Variants in PCDHA9 observed in about 807,000 individuals in gnomAD.
The protein encoded by PCDHA9 is protocadherin alpha-9.
Under a neutral mutation model 62.0 loss-of-function variants are expected in PCDHA9, and 62 were observed. The ratio of observed to expected loss-of-function variants is 1.00; its 90% confidence interval spans 0.81 to 1.23. The LOEUF is 1.23. PCDHA9 is among the 50% of genes most tolerant of loss of function. PCDHA9 has a pLI of 0.00. For missense variants in PCDHA9, 1,205 were observed against 1,249.8 expected (o/e 0.96, Z 0.54); for synonymous variants, 557 against 567.6 (o/e 0.98, Z 0.27).
At chr5:140,904,143 T>C (rs1370565805) in intron 1 of PCDHA9, among the ~76,000 whole-genome samples, 1 of 152,136 alleles carries the variant, frequency 6.6e-6, no homozygotes, top group Non-Finnish European at 1.5e-5. Context: ...CCGAGCAGTA[T>C]ACATTGCACC....
At chr5:140,927,399 TC>T (rs781939330) in intron 1 of PCDHA9, 1 of 1,614,076 alleles carries the variant, frequency 6.2e-7, no homozygotes. Context: ...GTCAGCACTT[TC>T]GCCTGGACAT....
chr5:140,948,496 A>C (rs1258443825), intron 1 of PCDHA9, among the ~76,000 whole-genome samples: 1 of 151,522 alleles, frequency 6.6e-6, no homozygotes, highest in African/African-American at 2.4e-5. Context: ...TCTTTCATAG[A>C]CTTTCTATTA....
At chr5:140,995,999 G>A (rs1489207802) in intron 3 of PCDHA9, among the ~76,000 whole-genome samples, 3 of 152,198 alleles carry the variant, frequency 2.0e-5, no homozygotes, top group Admixed American at 6.5e-5. Context: ...CAAAAATGTC[G>A]TCAGAACTAT....
intron 1 of PCDHA9, chr5:140,869,089 C>G: frequency 6.3e-7 from 1 of 1,588,998 alleles, no homozygotes; most frequent in Non-Finnish European, 8.6e-7. Context: ...ATTTTGGAAG[C>G]CAATTTCGTA....
At chr5:140,914,297 G>A (rs1371976850) in intron 1 of PCDHA9, among the ~76,000 whole-genome samples, 2 of 152,056 alleles carry the variant, frequency 1.3e-5, no homozygotes, top group African/African-American at 4.8e-5. Flanking sequence ...ATATCCTCTT[G>A]CTGAATTGAC....
In PCDHA9 at chr5:140,850,590, T is replaced by G. The variant is rs2150490414; in HGVS notation, c.2095T>G (p.Tyr699Asp). The G allele has an allele frequency of 2.7e-5, 43 of 1,598,318 alleles. 1 individual carries two copies. The highest frequency in any genetic ancestry group is 3.5e-5 in the Non-Finnish European group (41 of 1,167,854). ...GGTGACGCTGGTGGATGTCAACGTG[T>G]ACCTGATCATCGCCATCTGCGCGGT... ...PEVTLVDVNV[Y>D]LIIAICAVSS... The change falls in exon 1 of 4, where the codon TAC becomes GAC. Residue 699 changes from tyrosine to aspartate, a missense_variant. Tyr to Asp is a radical substitution (Grantham distance 160, BLOSUM62 -3). Around this residue, in one of 3 missense-constraint regions of PCDHA9, gnomAD observed 887 missense variants for 809.5 expected, o/e 1.10. Coordinates refer to ENST00000532602, the MANE Select transcript of PCDHA9 (RefSeq NM_031857.2).
intron 1 of PCDHA9, chr5:140,870,599 G>A: frequency 6.2e-7 from 1 of 1,613,396 alleles, no homozygotes; most frequent in South Asian, 1.1e-5. Flanking sequence ...CGGCGGTTGG[G>A]CGACCGCGCG....
chr5:140,859,256 G>C lies in PCDHA9; in HGVS notation c.2394+8367G>C, dbSNP rs182882850. On this transcript the variant is annotated intron_variant, in intron 1 of 3. Transcript: ENST00000532602. Reference sequence around the variant, plus strand: ...TCATGCTTATGTTTAATAATGAAGAGAATTTGAACACTTTTTACTTTTGAG... The same window carrying C: ...TCATGCTTATGTTTAATAATGAAGACAATTTGAACACTTTTTACTTTTGAG... 3 of 131,348 alleles carry C rather than the reference G, an allele frequency of 2.3e-5. 1 individual carries two copies. The highest frequency in any genetic ancestry group is 5.3e-5 in the Non-Finnish European group (3 of 56,988). The allele number at this position is 131,348 out of a possible 1,614,324, so 8.1% of individuals were successfully genotyped here.
At chr5:140,950,429 T>G (rs1339598073) in intron 1 of PCDHA9, among the ~76,000 whole-genome samples, 1 of 151,896 alleles carries the variant, frequency 6.6e-6, no homozygotes, top group Admixed American at 6.6e-5. Context: ...TTCTTCCACT[T>G]AAAAAAAATG....
chr5:140,993,508 ACG>A (rs2097567607), intron 3 of PCDHA9, among the ~76,000 whole-genome samples: 1 of 147,006 alleles, frequency 6.8e-6, no homozygotes, highest in Non-Finnish European at 1.5e-5. Context: ...ACACACACAC[ACG>A]GGGAGAGAGA....
intron 1 of PCDHA9, chr5:140,928,082 T>C: frequency 1.2e-6 from 2 of 1,614,212 alleles, no homozygotes. Context: ...TACTACAGCC[T>C]GCTGATTGAT....
At chr5:140,936,144 T>C (rs1386720304) in intron 1 of PCDHA9, among the ~76,000 whole-genome samples, 2 of 152,158 alleles carry the variant, frequency 1.3e-5, no homozygotes, top group African/African-American at 4.8e-5. Flanking sequence ...CTGCCCGCCT[T>C]GGCCTCCTAA....
intron 1 of PCDHA9, among the ~76,000 whole-genome samples, chr5:140,898,910 C>G (rs1313149642): frequency 6.6e-6 from 1 of 152,040 alleles, no homozygotes; most frequent in African/African-American, 2.4e-5. Context: ...CTTCACGTCC[C>G]TTGTAAGTTG....
intron 1 of PCDHA9, chr5:140,877,392 G>A: frequency 1.2e-6 from 2 of 1,613,970 alleles, no homozygotes; most frequent in Non-Finnish European, 1.7e-6. Flanking sequence ...TGGATGAGGC[G>A]GACGCTCCGC....
chr5:140,999,409 T>C (rs1554256782), intron 3 of PCDHA9, among the ~76,000 whole-genome samples: 1 of 152,186 alleles, frequency 6.6e-6, no homozygotes, highest in African/African-American at 2.4e-5. Flanking sequence ...TATGAAAGAA[T>C]GGGAGCTAAG....
At chr5:140,927,668 A>T in intron 1 of PCDHA9, 1 of 1,614,208 alleles carries the variant, frequency 6.2e-7, no homozygotes, top group Non-Finnish European at 8.5e-7. Flanking sequence ...CAAGCCTTGG[A>T]TCCAGATGAA....
intron 1 of PCDHA9, chr5:140,862,866 GC>G (rs11321479): frequency 0.66 from 374,898 of 571,004 alleles, 123,608 homozygotes; most frequent in Middle Eastern, 0.71. Context: ...ATGTGACGCT[GC>G]CAGGTATTAG....
intron 1 of PCDHA9, among the ~76,000 whole-genome samples, chr5:140,970,553 C>T (rs1349644785): frequency 5.9e-5 from 9 of 152,122 alleles, no homozygotes; most frequent in South Asian, 2.1e-4. Flanking sequence ...GTTGTGTGTT[C>T]GTCTCCATAT....
At chr5:140,877,207 G>T in intron 1 of PCDHA9, 1 of 1,613,796 alleles carries the variant, frequency 6.2e-7, no homozygotes, top group Non-Finnish European at 8.5e-7. Flanking sequence ...CGCAGTTAGC[G>T]AGTTGGTACC....
Sources: allele counts gnomAD v4.1 joint callset (sites outside exome capture counted in the v4.1 genomes callset), GRCh38; gene constraint gnomAD v4.1.1; regional missense constraint gnomAD v4.1.1; transcripts MANE v1.5; gene names NCBI Gene and HGNC (gene_info 2026-07-23, HGNC 2026-07-21).